Variants in SLCO1A2 observed in about 807,000 individuals in gnomAD.
The protein encoded by SLCO1A2 is solute carrier organic anion transporter family member 1A2.
A neutral mutation model predicts 69.0 loss-of-function variants in SLCO1A2; 67 were observed. The observed-to-expected ratio is 0.97, with a 90% CI of 0.80 to 1.19. The LOEUF is 1.19. Among genes scored for constraint, SLCO1A2 ranks in the 50% most tolerant of loss-of-function variants. SLCO1A2 has a pLI of 0.00. For missense variants in SLCO1A2, 787 were observed against 793.7 expected (o/e 0.99, Z 0.10); for synonymous variants, 260 against 265.9 (o/e 0.98, Z 0.22).
chr12:21,312,537 C>T (rs10770796), intron 4 of SLCO1A2, among the ~76,000 whole-genome samples: 55,590 of 152,000 alleles, frequency 0.37, 10,852 homozygotes, highest in African/African-American at 0.5. Context: ...TGGGCCTATT[C>T]TGAATTTCAA....
At chr12:21,308,594 CA>C (rs1182768522) in intron 4 of SLCO1A2, among the ~76,000 whole-genome samples, 5 of 151,648 alleles carry the variant, frequency 3.3e-5, no homozygotes, top group Non-Finnish European at 2.9e-5. Flanking sequence ...AAAGGCAATA[CA>C]AAAAAAATGG....
chr12:21,276,423 CAG>C (rs1555105398), intron 12 of SLCO1A2, among the ~76,000 whole-genome samples: 1 of 148,456 alleles, frequency 6.7e-6, no homozygotes, highest in Middle Eastern at 3.4e-3. Context: ...CACACACACA[CAG>C]ACCTATCTGT....
At chr12:21,310,738 G>A (rs1950031078) in intron 4 of SLCO1A2, among the ~76,000 whole-genome samples, 1 of 152,164 alleles carries the variant, frequency 6.6e-6, no homozygotes, top group South Asian at 2.1e-4. Flanking sequence ...GAGTAGCTGG[G>A]ACTACAGGTG....
intron 8 of SLCO1A2, 67 bp from the exon 9 acceptor site, chr12:21,297,635 G>A (rs542670503): frequency 9.7e-7 from 1 of 1,026,770 alleles, no homozygotes; most frequent in Admixed American, 2.5e-5. Flanking sequence ...GGCTTTTCCT[G>A]AAACATCCAC....
chr12:21,347,669 A>AAAGGAAGG lies in SLCO1A2; in HGVS notation c.-62-12968_-62-12961dup, dbSNP rs147886864. ...GGAAAGAAGGAAAGAAGAAAGAAAG[A>AAAGGAAGG]AAGGAAGGAAGGAAGGAAGGAAGGA... On this transcript the variant is annotated intron_variant, in intron 2 of 15. Transcript: ENST00000307378. Among the ~76,000 whole-genome samples the AAAGGAAGG allele has an allele frequency of 9.2e-3, 1,040 of 113,476 alleles. 25 individuals carry two copies. Among genetic ancestry groups the AAAGGAAGG allele is most frequent in the East Asian group, 0.025 (108 of 4,378 alleles). The allele number at this position is 113,476 out of a possible 152,430, so 74.4% of individuals were successfully genotyped here. A position where few individuals can be genotyped will look rare whatever the true frequency, so the allele number is the denominator to read the frequency against.
intron 2 of SLCO1A2, among the ~76,000 whole-genome samples, chr12:21,362,329 C>T (rs1466960205): frequency 6.6e-6 from 1 of 152,064 alleles, no homozygotes; most frequent in African/African-American, 2.4e-5. Flanking sequence ...AAATAAAATG[C>T]TTTACAGACA....
chr12:21,401,856 T>G (rs984452417), intron 1 of SLCO1A2, among the ~76,000 whole-genome samples: 2 of 151,644 alleles, frequency 1.3e-5, no homozygotes, highest in African/African-American at 4.8e-5. Context: ...AATATAAATA[T>G]AAATGAAAAT....
chr12:21,315,799 T>A (rs975166912), intron 3 of SLCO1A2, among the ~76,000 whole-genome samples: 1 of 152,186 alleles, frequency 6.6e-6, no homozygotes, highest in Non-Finnish European at 1.5e-5. Flanking sequence ...TTGTTTGAAA[T>A]CCATATCTGT....
intron 1 of SLCO1A2, chr12:21,378,341 C>G: frequency 6.2e-7 from 1 of 1,614,162 alleles, no homozygotes; most frequent in South Asian, 1.1e-5. Context: ...ATTCTCTCAT[C>G]TACCAACGTG....
Position 21,360,571 on chromosome 12 carries a change from C to T in SLCO1A2, c.-63+13828G>A, listed in dbSNP as rs141790461. Among the ~76,000 whole-genome samples, 97 of 152,180 alleles carry T rather than the reference C, an allele frequency of 6.4e-4. 1 individual carries two copies. Among genetic ancestry groups the T allele is most frequent in the African/African-American group, 2.3e-3 (96 of 41,562 alleles). ...GCTTGCCAGACAAGTGGGTGCAGCC[C>T]ACAGAGCTGGGCAGGGCATTGCCTC... On this transcript the variant is annotated intron_variant, in intron 2 of 15. Coordinates refer to the SLCO1A2 transcript ENST00000307378.
chr12:21,359,569 CTCACTAATAAATG>C (rs2137040718), intron 2 of SLCO1A2, among the ~76,000 whole-genome samples: 1 of 152,224 alleles, frequency 6.6e-6, no homozygotes, highest in Admixed American at 6.5e-5. Context: ...ATTGTAGTGT[CTCACTAATAAATG>C]TCAATGGACT....
intron 2 of SLCO1A2, among the ~76,000 whole-genome samples, chr12:21,344,703 G>T (rs117973841): frequency 0.035 from 5,278 of 151,880 alleles, 140 homozygotes; most frequent in Non-Finnish European, 0.052. Flanking sequence ...ACAAGATAAA[G>T]GAAACATATG....
chr12:21,269,708 ATT>A lies in SLCO1A2; in HGVS notation c.1851_1852del (p.Leu617PhefsTer14). 1 of 1,612,650 alleles carries A rather than the reference ATT, an allele frequency of 6.2e-7. No homozygotes were observed. The highest frequency in any genetic ancestry group is 8.5e-7 in the Non-Finnish European group (1 of 1,179,004). ...ACACTTCCTCAAAAGAATTAAGATGATTAAGGCTGGAACAAAGCTTGATCCTC... is the reference window on the plus strand; with the variant it reads ...ACACTTCCTCAAAAGAATTAAGATGAAAGGCTGGAACAAAGCTTGATCCTC... On this transcript the variant is annotated frameshift_variant, in exon 15 of 15. Coordinates refer to ENST00000683939, the MANE Select transcript of SLCO1A2 (RefSeq NM_001386879.1). LOFTEE classifies it low-confidence loss of function (END_TRUNC).
intron 6 of SLCO1A2, among the ~76,000 whole-genome samples, chr12:21,302,257 G>A (rs1230760132): frequency 1.3e-5 from 2 of 152,160 alleles, no homozygotes; most frequent in East Asian, 3.9e-4. Flanking sequence ...GGTAGCCCCA[G>A]TGATCTCTTT....
intron 2 of SLCO1A2, among the ~76,000 whole-genome samples, chr12:21,356,886 A>T (rs931877900): frequency 5.3e-5 from 8 of 152,172 alleles, no homozygotes; most frequent in Non-Finnish European, 1.2e-4. Context: ...TCTTAAACAG[A>T]AAATATGCCT....
At position 21,295,710 on chromosome 12, in the gene SLCO1A2, T is replaced by A; in HGVS notation, c.1158A>T (p.Gln386His). 1.9e-6 allele frequency: 3 copies of A among 1,608,626 alleles called. No homozygotes were observed. Among genetic ancestry groups the A allele is most frequent in the Non-Finnish European group, 2.6e-6 (3 of 1,175,204 alleles). Residue 386 changes from glutamine to histidine, a missense_variant, in exon 10 of 15, where the codon CAA becomes CAT. By Grantham distance (24) the Gln-to-His change is conservative. Coordinates refer to ENST00000683939, the MANE Select transcript of SLCO1A2 (RefSeq NM_001386879.1). ...ATAACCAACATCCTATGTGGGCAGC[T>A]TGTTTGACAGTAATCTTGAACTTCT... Reference protein sequence around the residue: ...IMKKFKITVKQAAHIGCWLSL... With the variant: ...IMKKFKITVKHAAHIGCWLSL...
rs376412810 is a variant in SLCO1A2, at chr12:21,292,276, A to G, written c.1498T>C (p.Cys500Arg). 6.2e-7 allele frequency: 1 copy of G among 1,613,194 alleles called. No homozygotes were observed. The highest frequency in any genetic ancestry group is 8.5e-7 in the Non-Finnish European group (1 of 1,179,326). Residue 500 changes from cysteine (C) to arginine (R), a missense_variant, in exon 12 of 15, where the codon TGC becomes CGC. Transcript: ENST00000683939. ...SGNSSAVLGLCDKGPDCSLML... is the reference protein window; with the variant it reads ...SGNSSAVLGLRDKGPDCSLML... ...AAGGAACAGTCAGGTCCTTTGTCGC[A>G]CAGCCCAAGAACTGCAGATGAATTT...
chr12:21,270,212 C>T (rs1263498289), intron 14 of SLCO1A2, among the ~76,000 whole-genome samples: 1 of 151,750 alleles, frequency 6.6e-6, no homozygotes, highest in African/African-American at 2.4e-5. Context: ...TGAGCTTGCT[C>T]AAAGTTTTAA....
chr12:21,404,075 T>G (rs923737246), intron 1 of SLCO1A2, among the ~76,000 whole-genome samples: 2 of 152,062 alleles, frequency 1.3e-5, no homozygotes, highest in Admixed American at 1.3e-4. Flanking sequence ...TTTTGAACAG[T>G]AGACTGAGAT....
Sources: allele counts gnomAD v4.1 joint callset (sites outside exome capture counted in the v4.1 genomes callset), GRCh38; gene constraint gnomAD v4.1.1; transcripts MANE v1.5; gene names NCBI Gene and HGNC (gene_info 2026-07-23, HGNC 2026-07-21).